Variants in WDR41 observed in about 807,000 individuals in gnomAD.
WDR41 encodes the protein WD repeat domain 41.
WDR41 carries 63 observed loss-of-function variants against 69.3 expected under a neutral mutation model. The observed-to-expected ratio is 0.91, with a 90% confidence interval of 0.74 to 1.12. The LOEUF is 1.12. WDR41 is among the 50% of genes most tolerant of loss of function. WDR41 has a pLI of 0.00. For synonymous variants in WDR41, 185 were observed against 192.1 expected, an observed-to-expected ratio of 0.96 and a Z score of 0.31; for missense variants, 543 against 534.5, an observed-to-expected ratio of 1.02 and a Z score of -0.16.
At position 77,449,837 on chromosome 5, in the gene WDR41, G is replaced by A; in HGVS notation, c.620C>T (p.Ser207Leu). ...IFRLVAPTEGSLEWDILEVKR... is the reference protein window; with the variant it reads ...IFRLVAPTEGLLEWDILEVKR... ...AACTTCAAGAATATCCCATTCTAGTGATCCTTCTGTGGGTGCTACCAACCT... is the reference window on the plus strand; with the variant it reads ...AACTTCAAGAATATCCCATTCTAGTAATCCTTCTGTGGGTGCTACCAACCT... Residue 207 changes from serine (S) to leucine (L), a missense_variant, in exon 8 of 13, where the codon TCA becomes TTA. Physicochemically the swap from Ser to Leu is moderately radical, Grantham distance 145. Coordinates refer to ENST00000296679, the MANE Select transcript of WDR41 (RefSeq NM_018268.4). The A allele has an allele frequency of 6.2e-7, 1 of 1,613,448 alleles. No homozygotes were observed. The highest frequency in any genetic ancestry group is 8.5e-7 in the Non-Finnish European group (1 of 1,179,548).
intron 4 of WDR41, 61 bp downstream of exon 4, chr5:77,463,034 G>A (rs1471737157): frequency 6.4e-6 from 10 of 1,558,730 alleles, no homozygotes; most frequent in Non-Finnish European, 8.7e-6. Context: ...AAGACTAATA[G>A]TGTATGTAGT....
intron 1 of WDR41, among the ~76,000 whole-genome samples, chr5:77,512,351 AGT>A (rs879648635): frequency 0.012 from 1,428 of 120,112 alleles, 23 homozygotes; most frequent in East Asian, 0.03. Context: ...AGAGAGAGAG[AGT>A]GAGTGTGTGT....
chr5:77,581,719 C>T (rs890249404), intron 1 of WDR41, among the ~76,000 whole-genome samples: 1 of 152,086 alleles, frequency 6.6e-6, no homozygotes, highest in Non-Finnish European at 1.5e-5. Context: ...CTCACAAATA[C>T]ATGGAAATAA....
intron 12 of WDR41, among the ~76,000 whole-genome samples, chr5:77,435,483 C>T (rs922363522): frequency 1.3e-5 from 2 of 152,226 alleles, no homozygotes; most frequent in South Asian, 4.1e-4. Context: ...GTGTTTAGCA[C>T]AGTGCCTGAA....
At chr5:77,458,505 C>T (rs1285617853) in intron 5 of WDR41, among the ~76,000 whole-genome samples, 2 of 152,144 alleles carry the variant, frequency 1.3e-5, no homozygotes, top group Non-Finnish European at 2.9e-5. Context: ...GTAGGAATCA[C>T]AAGCAACCAA....
At chr5:77,581,109 A>T (rs1434774769) in intron 1 of WDR41, among the ~76,000 whole-genome samples, 1 of 152,108 alleles carries the variant, frequency 6.6e-6, no homozygotes, top group Non-Finnish European at 1.5e-5. Flanking sequence ...GATCTACAGG[A>T]GACACACTTT....
At chr5:77,510,730 A>G (rs1378289662) in intron 1 of WDR41, among the ~76,000 whole-genome samples, 2 of 151,426 alleles carry the variant, frequency 1.3e-5, no homozygotes, top group African/African-American at 4.9e-5. Context: ...TAATGGAGCC[A>G]GGACTTGAAT....
At chr5:77,552,020 T>C (rs192971212) in intron 1 of WDR41, among the ~76,000 whole-genome samples, 1,831 of 129,782 alleles carry the variant, frequency 0.014, 47 homozygotes, top group Non-Finnish European at 0.021. Context: ...TAAAATAAAA[T>C]AAAATAAAAT....
chr5:77,615,910 T>A (rs1467851073), intron 1 of WDR41, among the ~76,000 whole-genome samples: 1 of 151,956 alleles, frequency 6.6e-6, no homozygotes, highest in Non-Finnish European at 1.5e-5. Context: ...GGAGAATCAC[T>A]TGAACCCAGG....
At chr5:77,534,770 T>A (rs1256340367) in intron 1 of WDR41, among the ~76,000 whole-genome samples, 1 of 152,138 alleles carries the variant, frequency 6.6e-6, no homozygotes, top group East Asian at 1.9e-4. Context: ...TTATTGAGCA[T>A]TTAATGTGAG....
chr5:77,479,554 C>G (rs1186779861), intron 2 of WDR41, among the ~76,000 whole-genome samples: 13 of 152,168 alleles, frequency 8.5e-5, no homozygotes, highest in African/African-American at 2.7e-4. Context: ...ACAAACCTGA[C>G]AAAAACAAGA....
chr5:77,588,178 T>C (rs1188053191), intron 1 of WDR41, among the ~76,000 whole-genome samples: 1 of 152,238 alleles, frequency 6.6e-6, no homozygotes, highest in Non-Finnish European at 1.5e-5. Flanking sequence ...ATTGGGGATA[T>C]GAATTCTTTG....
intron 1 of WDR41, among the ~76,000 whole-genome samples, chr5:77,586,600 C>G (rs573675165): frequency 9.7e-4 from 148 of 152,108 alleles, no homozygotes; most frequent in Middle Eastern, 6.8e-3. Flanking sequence ...AGCTACCACA[C>G]CTGGCCTCAA....
chr5:77,480,568 G>A (rs940262817), intron 2 of WDR41, among the ~76,000 whole-genome samples: 3 of 151,486 alleles, frequency 2.0e-5, no homozygotes, highest in Non-Finnish European at 4.4e-5. Flanking sequence ...GTAAACTATT[G>A]CAAGAACAAA....
upstream of WDR41, among the ~76,000 whole-genome samples, chr5:77,497,179 C>T (rs541266745): frequency 3.8e-4 from 58 of 152,084 alleles, no homozygotes; most frequent in Non-Finnish European, 7.1e-4. Flanking sequence ...ATATTCATCA[C>T]ATTAAATTTG....
At chr5:77,434,790 A>G (rs1798875492) in intron 12 of WDR41, among the ~76,000 whole-genome samples, 1 of 152,222 alleles carries the variant, frequency 6.6e-6, no homozygotes, top group South Asian at 2.1e-4. Context: ...AAAAGTGTTC[A>G]GGTCTCAACA....
At chr5:77,445,299 C>CA (rs566751250) in intron 8 of WDR41, among the ~76,000 whole-genome samples, 15 of 151,926 alleles carry the variant, frequency 9.9e-5, no homozygotes, top group Non-Finnish European at 1.5e-4. Context: ...GCCTACCAAC[C>CA]AAAAAAAGCC....
intron 1 of WDR41, among the ~76,000 whole-genome samples, chr5:77,550,163 C>T (rs1158889639): frequency 6.6e-6 from 1 of 152,054 alleles, no homozygotes; most frequent in East Asian, 1.9e-4. Flanking sequence ...CAGGAAATAC[C>T]ATTCTGGACA....
intron 1 of WDR41, among the ~76,000 whole-genome samples, chr5:77,523,317 G>C (rs956900978): frequency 6.7e-6 from 1 of 149,664 alleles, no homozygotes; most frequent in African/African-American, 2.5e-5. Context: ...AAAAAAAAAA[G>C]ATATATTTTC....
Sources: gnomAD v4.1 joint callset for allele counts (sites outside exome capture counted in the v4.1 genomes callset) on GRCh38, gnomAD v4.1.1 for gene constraint, MANE v1.5 for transcripts, NCBI Gene and HGNC (gene_info 2026-07-23, HGNC 2026-07-21) for gene names.